PCYT1B: variants seen among roughly 807,000 people sequenced by gnomAD.
The protein encoded by PCYT1B is choline-phosphate cytidylyltransferase B.
PCYT1B carries 10 observed loss-of-function variants against 26.4 expected under a neutral mutation model. The observed-to-expected ratio is 0.38, with a 90% CI of 0.23 to 0.64. The LOEUF (loss-of-function observed/expected upper bound fraction) is 0.64, where lower values mean the gene tolerates loss of function less well. Among genes scored for constraint, PCYT1B ranks in the 30% least tolerant of loss-of-function variants. The pLI is 0.56. For synonymous variants in PCYT1B, 131 were observed against 108.4 expected, an observed-to-expected ratio of 1.21 and a Z score of -1.29; for missense variants, 161 against 292.7, an observed-to-expected ratio of 0.55 and a Z score of 3.28.
chrX:24,620,304 T>G (rs1478049383), intron 1 of PCYT1B, among the ~76,000 whole-genome samples: 2 of 112,059 alleles, frequency 1.8e-5, no homozygotes, highest in Non-Finnish European at 3.8e-5. Flanking sequence ...CCCCATTCTC[T>G]GCACTGACGA....
chrX:24,591,089 G>A lies in PCYT1B; in HGVS notation c.335-915C>T, dbSNP rs1358748627. The stretch of plus-strand genomic sequence containing the variant: ...ATTATAGGCGTGAGCCACCACACCC[G>A]GCCTCCACATCTCTTATATTTTCTA... On this transcript the variant is annotated intron_variant, in intron 3 of 7. Coordinates refer to ENST00000379144, the MANE Select transcript of PCYT1B (RefSeq NM_004845.5). 4.5e-5 allele frequency among the ~76,000 whole-genome samples: 5 copies of A among 111,205 alleles called. No individual in the cohort carries two copies. The South Asian group carries it at 1.1e-3, about 25-fold the overall frequency.
chrX:24,567,629 T>A (rs1377392798), intron 7 of PCYT1B, among the ~76,000 whole-genome samples: 4 of 112,257 alleles, frequency 3.6e-5, no homozygotes, highest in Non-Finnish European at 5.6e-5. Context: ...TTTCTATTTC[T>A]CTCCTATGAA....
At chrX:24,579,680 A>G (rs1924144118) in intron 5 of PCYT1B, among the ~76,000 whole-genome samples, 1 of 110,953 alleles carries the variant, frequency 9.0e-6, no homozygotes, top group African/African-American at 3.3e-5. Flanking sequence ...TCCAGGACAT[A>G]CCATGTACTT....
At chrX:24,568,095 G>A (rs1039983454) in intron 7 of PCYT1B, among the ~76,000 whole-genome samples, 9 of 112,263 alleles carry the variant, frequency 8.0e-5, no homozygotes, top group Admixed American at 6.6e-4. Context: ...TTCCTGGTAC[G>A]ATCTGGTTTG....
In PCYT1B at chrX:24,560,714, T is replaced by C. The variant is rs1923379239; in HGVS notation, c.*1579A>G. 8.9e-6 allele frequency: 1 copy of C among 111,989 alleles called. No homozygotes were observed. Among genetic ancestry groups the C allele is most frequent in the South Asian group, 3.8e-4 (1 of 2,625 alleles). 9.2% of individuals were successfully genotyped at this position (111,989 alleles called of 1,213,427 possible). ...GTTGTCCCCTTGTCACCTAGAAGGC[T>C]GGTTCCCAAGGCCTCTGAAAAGGGG... On this transcript the variant is annotated 3_prime_UTR_variant, in exon 8 of 8. Coordinates refer to ENST00000379144, the MANE Select transcript of PCYT1B (RefSeq NM_004845.5).
At chrX:24,648,449 A>ATTTTTTTT (rs57744798), upstream of PCYT1B, among the ~76,000 whole-genome samples, 280 of 39,716 alleles carry the variant, frequency 7.1e-3, 51 homozygotes, top group African/African-American at 0.036. Flanking sequence ...ATTTGAAGGA[A>ATTTTTTTT]TTTTTTTTTT....
chrX:24,559,438 A>AG lies in PCYT1B; in HGVS notation c.*2854dup, dbSNP rs1923312145. 1 of 27,873 alleles carries AG rather than the reference A, an allele frequency of 3.6e-5. No homozygotes were observed. Among genetic ancestry groups the AG allele is most frequent in the South Asian group, 9.5e-4 (1 of 1,056 alleles). 2.3% of individuals were successfully genotyped at this position (27,873 alleles called of 1,213,427 possible). ...AGAAAAAGAGAAAGAAGAAAGAAAA[A>AG]GAAAGAGAGAGAGAGAGAAAGAAAG... On this transcript the variant is annotated 3_prime_UTR_variant, in exon 8 of 8. Transcript: ENST00000379144.
intron 1 of PCYT1B, among the ~76,000 whole-genome samples, chrX:24,644,912 AT>A (rs1351742654): frequency 3.6e-5 from 4 of 111,561 alleles, no homozygotes; most frequent in East Asian, 5.7e-4. Flanking sequence ...ATACAAAAAA[AT>A]ATTAGCCAGG....
chrX:24,662,383 GT>G (rs1927046326), intron 1 of PCYT1B, among the ~76,000 whole-genome samples: 1 of 111,503 alleles, frequency 9.0e-6, no homozygotes, highest in East Asian at 2.8e-4. Flanking sequence ...TGGGGGTGCT[GT>G]AGACATCTAG....
intron 1 of PCYT1B, among the ~76,000 whole-genome samples, chrX:24,642,790 T>C (rs1489319479): frequency 5.4e-5 from 6 of 111,965 alleles, no homozygotes; most frequent in Non-Finnish European, 1.9e-5. Flanking sequence ...GGTGGCTAAG[T>C]AGATGGCAAT....
At chrX:24,627,075 A>G (rs1249538586) in intron 1 of PCYT1B, among the ~76,000 whole-genome samples, 3 of 112,301 alleles carry the variant, frequency 2.7e-5, no homozygotes, top group Non-Finnish European at 5.6e-5. Context: ...TATATAAAGG[A>G]TCAAGTGAGC....
At chrX:24,638,546 C>T (rs1384183286) in intron 1 of PCYT1B, among the ~76,000 whole-genome samples, 1 of 111,992 alleles carries the variant, frequency 8.9e-6, no homozygotes, top group Non-Finnish European at 1.9e-5. Flanking sequence ...AGAAAATAGG[C>T]CTAGCTTGCA....
intron 7 of PCYT1B, among the ~76,000 whole-genome samples, chrX:24,563,006 C>A (rs370087333): frequency 9.0e-6 from 1 of 111,216 alleles, no homozygotes; most frequent in Admixed American, 9.5e-5. Flanking sequence ...GGATTACAGG[C>A]GTGAGCCACC....
intron 1 of PCYT1B, among the ~76,000 whole-genome samples, chrX:24,665,642 G>C (rs1211199287): frequency 2.7e-5 from 3 of 111,471 alleles, no homozygotes; most frequent in Admixed American, 1.9e-4. Flanking sequence ...TAGAGGGTAA[G>C]AAGACTTCTA....
rs886970908 is a variant in PCYT1B, at chrX:24,558,383, G to A, written c.*3910C>T. On this transcript the variant is annotated 3_prime_UTR_variant, in exon 8 of 8. Transcript: ENST00000379144. Reference sequence around the variant, plus strand: ...GGAAAACTAGAAAGAAGTCTAGAGAGGAGAAGTTGCAAATGCCTCATGAGC... The same window carrying A: ...GGAAAACTAGAAAGAAGTCTAGAGAAGAGAAGTTGCAAATGCCTCATGAGC... 9.9e-5 allele frequency: 11 copies of A among 111,258 alleles called. No individual in the cohort carries two copies. The highest frequency in any genetic ancestry group is 1.7e-4 in the Non-Finnish European group (9 of 53,007). The allele number at this position is 111,258 out of a possible 1,213,427, so 9.2% of individuals were successfully genotyped here.
chrX:24,568,778 T>G (rs921697984), intron 7 of PCYT1B, among the ~76,000 whole-genome samples: 2 of 111,162 alleles, frequency 1.8e-5, no homozygotes, highest in Admixed American at 9.6e-5. Context: ...TTATTCACAT[T>G]TTACTTGTAC....
At chrX:24,626,761 T>G (rs969687692) in intron 1 of PCYT1B, among the ~76,000 whole-genome samples, 1 of 112,085 alleles carries the variant, frequency 8.9e-6, no homozygotes, top group African/African-American at 3.2e-5. Flanking sequence ...TTTAAATTAC[T>G]TTCATGGTAT....
At chrX:24,635,304 A>C (rs1309864304) in intron 1 of PCYT1B, among the ~76,000 whole-genome samples, 1 of 112,227 alleles carries the variant, frequency 8.9e-6, no homozygotes, top group Non-Finnish European at 1.9e-5. Context: ...AGAAAAAAAA[A>C]CTGATGTCAA....
chrX:24,602,282 T>A (rs775019896), intron 3 of PCYT1B, among the ~76,000 whole-genome samples: 1 of 112,027 alleles, frequency 8.9e-6, no homozygotes, highest in East Asian at 2.8e-4. Context: ...TATATGATGT[T>A]CTAGAAAAAG....
Sources: gnomAD v4.1 joint callset for allele counts (sites outside exome capture counted in the v4.1 genomes callset) on GRCh38, gnomAD v4.1.1 for gene constraint, MANE v1.5 for transcripts, NCBI Gene and HGNC (gene_info 2026-07-23, HGNC 2026-07-21) for gene names.